The following SNX18 variants were observed in gnomAD, a reference collection of about 807,000 sequenced individuals.
SNX18 encodes sorting nexin-18.
Under a neutral mutation model 48.7 loss-of-function variants are expected in SNX18, and 35 were observed. The ratio of observed to expected loss-of-function variants is 0.72; its 90% CI spans 0.55 to 0.95. The LOEUF is 0.95. SNX18 is among the 40% of genes least tolerant of loss of function. SNX18 has a pLI of 0.00. For synonymous variants in SNX18, 492 were observed against 384.7 expected, an observed-to-expected ratio of 1.28 and a Z score of -3.26; for missense variants, 824 against 871.0, an observed-to-expected ratio of 0.95 and a Z score of 0.68.
chr5:54,616,981 G>C, the SNX18 span, among the ~76,000 whole-genome samples: 1 of 152,142 alleles, frequency 6.6e-6, no homozygotes, highest in Non-Finnish European at 1.5e-5. Context: ...CATCAAGCTG[G>C]TTTTTATCTC....
chr5:54,563,166 T>C, the SNX18 span, among the ~76,000 whole-genome samples: 2 of 152,196 alleles, frequency 1.3e-5, no homozygotes, highest in Non-Finnish European at 1.5e-5. Context: ...GTTAGTTTAT[T>C]ACTGAGGAAA....
chr5:54,546,935 A>G (rs1762584773), downstream of SNX18, among the ~76,000 whole-genome samples: 1 of 152,236 alleles, frequency 6.6e-6, no homozygotes, highest in Admixed American at 6.5e-5. Context: ...TGCCATAAAT[A>G]GGCGAACTCC....
At chr5:54,539,479 G>A (rs770291601) in intron 1 of SNX18, among the ~76,000 whole-genome samples, 6 of 152,194 alleles carry the variant, frequency 3.9e-5, no homozygotes, top group Non-Finnish European at 5.9e-5. Context: ...ACCATCCATA[G>A]TGCAGTGCTG....
the SNX18 span, among the ~76,000 whole-genome samples, chr5:54,640,102 C>G: frequency 6.6e-6 from 1 of 152,114 alleles, no homozygotes; most frequent in African/African-American, 2.4e-5. Context: ...TATCTTATCC[C>G]CTGGCAGAAT....
At chr5:54,549,397 A>G (rs1173886901), downstream of SNX18, among the ~76,000 whole-genome samples, 2 of 152,158 alleles carry the variant, frequency 1.3e-5, no homozygotes, top group Non-Finnish European at 2.9e-5. Context: ...CACCTGGGTC[A>G]CAGGACCAAA....
chr5:54,639,403 G>C, the SNX18 span, among the ~76,000 whole-genome samples: 11,673 of 152,190 alleles, frequency 0.077, 562 homozygotes, highest in East Asian at 0.2. Flanking sequence ...TATCATAGGG[G>C]ATCAGTAAAT....
chr5:54,580,234 A>G, the SNX18 span, among the ~76,000 whole-genome samples: 1 of 152,290 alleles, frequency 6.6e-6, no homozygotes, highest in East Asian at 1.9e-4. Flanking sequence ...AACAAATACT[A>G]GTCTCTGTCA....
intron 1 of SNX18, among the ~76,000 whole-genome samples, chr5:54,533,472 T>C (rs191262461): frequency 2.7e-4 from 41 of 152,286 alleles, no homozygotes; most frequent in Admixed American, 2.0e-3. Flanking sequence ...ACTGGTGTAG[T>C]GTGCTGTGCT....
the SNX18 span, among the ~76,000 whole-genome samples, chr5:54,568,229 A>G: frequency 6.6e-6 from 1 of 152,202 alleles, no homozygotes; most frequent in Non-Finnish European, 1.5e-5. Flanking sequence ...TCTTGGCAGA[A>G]TGTGTTGCTA....
the SNX18 span, among the ~76,000 whole-genome samples, chr5:54,581,090 G>A: frequency 6.6e-6 from 1 of 152,098 alleles, no homozygotes; most frequent in Middle Eastern, 3.4e-3. Flanking sequence ...CAGAGGGCCA[G>A]TTAAAGAGCC....
chr5:54,540,322 C>G (rs1008430487), intron 1 of SNX18, among the ~76,000 whole-genome samples: 60 of 151,772 alleles, frequency 4.0e-4, no homozygotes, highest in African/African-American at 1.4e-3. Flanking sequence ...CTCAGATGAT[C>G]CTCCCTCCTC....
At chr5:54,582,913 C>G in the SNX18 span, among the ~76,000 whole-genome samples, 1 of 152,152 alleles carries the variant, frequency 6.6e-6, no homozygotes, top group Non-Finnish European at 1.5e-5. Context: ...TAAATCAAAT[C>G]CCACCCATTC....
rs1256254584 is a variant in SNX18 at position 54,531,422 on chromosome 5, T to G, written c.1622-11757T>G. On this transcript the variant is annotated intron_variant, in intron 1 of 1. Transcript: ENST00000381410. The stretch of plus-strand genomic sequence containing the variant: ...GAAGGGAGTCTTAGAAAATCCTTTT[T>G]CTTTTATTGTGTTTTTATTGTGTTT... Among the ~76,000 whole-genome samples the G allele has an allele frequency of 3.9e-5, 6 of 152,250 alleles. No individual in the cohort carries two copies. The East Asian group carries it at 9.6e-4, about 24-fold the overall frequency.
At chr5:54,636,729 T>C in the SNX18 span, among the ~76,000 whole-genome samples, 6 of 152,328 alleles carry the variant, frequency 3.9e-5, no homozygotes, top group South Asian at 1.2e-3. Flanking sequence ...CAATTTTAAA[T>C]TAGTAAAAAT....
chr5:54,528,411 A>G (rs1228663196), intron 1 of SNX18, among the ~76,000 whole-genome samples: 1 of 152,178 alleles, frequency 6.6e-6, no homozygotes, highest in Non-Finnish European at 1.5e-5. Context: ...TACTGCGAAT[A>G]AGACAGTGCA....
the SNX18 span, among the ~76,000 whole-genome samples, chr5:54,641,474 G>C: frequency 6.6e-6 from 1 of 151,990 alleles, no homozygotes. Flanking sequence ...CGTGGGATGG[G>C]GCTGGAGCCA....
the SNX18 span, among the ~76,000 whole-genome samples, chr5:54,626,060 A>T: frequency 2.6e-5 from 4 of 152,202 alleles, no homozygotes; most frequent in Admixed American, 2.0e-4. Context: ...CTGTTGCATG[A>T]TCCAATAAAA....
the SNX18 span, among the ~76,000 whole-genome samples, chr5:54,598,034 C>T: frequency 1.3e-5 from 2 of 151,974 alleles, no homozygotes; most frequent in Admixed American, 6.6e-5. Context: ...ATCAAATAGA[C>T]ACAATAAAAA....
At chr5:54,627,845 C>G in the SNX18 span, among the ~76,000 whole-genome samples, 1 of 152,088 alleles carries the variant, frequency 6.6e-6, no homozygotes, top group Non-Finnish European at 1.5e-5. Flanking sequence ...TAGTGGAGGC[C>G]CTGTAAGGAT....
Sources: allele counts gnomAD v4.1 joint callset (sites outside exome capture counted in the v4.1 genomes callset), GRCh38; gene constraint gnomAD v4.1.1; transcripts MANE v1.5; gene names NCBI Gene and HGNC (gene_info 2026-07-23, HGNC 2026-07-21).